Variants in CDH12 observed in about 807,000 individuals in gnomAD.
CDH12 encodes the protein cadherin-12.
In CDH12, 41 loss-of-function variants were observed where a neutral mutation model predicts 74.1. The ratio of observed to expected loss-of-function variants is 0.55; its 90% CI spans 0.43 to 0.72. The LOEUF is 0.72. Ranked by LOEUF, CDH12 falls within the 30% of genes least tolerant of loss-of-function variation. The pLI is 0.00. For missense variants in CDH12, 945 were observed against 977.2 expected (o/e 0.97, Z 0.44); for synonymous variants, 399 against 355.0 (o/e 1.12, Z -1.39).
intron 3 of CDH12, among the ~76,000 whole-genome samples, chr5:22,292,865 T>C (rs947662795): frequency 6.6e-6 from 1 of 152,034 alleles, no homozygotes; most frequent in Non-Finnish European, 1.5e-5. Flanking sequence ...AAACAGCGAG[T>C]TCCTTTTCAA....
At chr5:22,320,215 A>G (rs1169602332) in intron 3 of CDH12, among the ~76,000 whole-genome samples, 4 of 152,224 alleles carry the variant, frequency 2.6e-5, no homozygotes, top group Non-Finnish European at 4.4e-5. Flanking sequence ...AGAAGGAAGC[A>G]GAAAACAAAA....
chr5:21,795,754 C>T (rs1368401435), intron 10 of CDH12, among the ~76,000 whole-genome samples: 2 of 151,966 alleles, frequency 1.3e-5, no homozygotes, highest in African/African-American at 4.8e-5. Flanking sequence ...CTGGGCCTCT[C>T]TTTCTTCTCT....
intron 2 of CDH12, among the ~76,000 whole-genome samples, chr5:22,469,689 T>G (rs2126602859): frequency 6.6e-6 from 1 of 152,282 alleles, no homozygotes; most frequent in East Asian, 1.9e-4. Context: ...TTTCCAGTGT[T>G]ATCTATACTG....
intron 4 of CDH12, among the ~76,000 whole-genome samples, chr5:22,112,855 T>C (rs1744891349): frequency 6.6e-6 from 1 of 152,154 alleles, no homozygotes; most frequent in Non-Finnish European, 1.5e-5. Flanking sequence ...TAAATGTCTC[T>C]AAGCACAGAT....
Position 22,753,430 on chromosome 5 carries a change from G to A in CDH12, c.-523+99628C>T, listed in dbSNP as rs1245700102. The stretch of plus-strand genomic sequence containing the variant: ...TTAGCCTGGGAGACAGAGCGAGACT[G>A]TGTCAGAAGAAAAAAAAAAAAGGCA... On this transcript the variant is annotated intron_variant, in intron 1 of 14. Coordinates refer to ENST00000382254, the MANE Select transcript of CDH12 (RefSeq NM_004061.5). Among the ~76,000 whole-genome samples the A allele has an allele frequency of 2.7e-5, 4 of 148,148 alleles. No homozygotes were observed. In the East Asian group the frequency reaches 7.9e-4, roughly 29 times the overall value.
chr5:22,774,205 G>T (rs947840323), intron 1 of CDH12, among the ~76,000 whole-genome samples: 1 of 152,096 alleles, frequency 6.6e-6, no homozygotes, highest in Non-Finnish European at 1.5e-5. Context: ...ATTCACAATA[G>T]CAAAGATGTG....
At chr5:22,691,818 T>C (rs1036586115) in intron 1 of CDH12, among the ~76,000 whole-genome samples, 5 of 152,062 alleles carry the variant, frequency 3.3e-5, no homozygotes, top group African/African-American at 1.2e-4. Context: ...TTACACACTG[T>C]AAATGTTCAT....
chr5:22,249,395 G>A (rs1753062939), intron 3 of CDH12, among the ~76,000 whole-genome samples: 1 of 152,180 alleles, frequency 6.6e-6, no homozygotes, highest in African/African-American at 2.4e-5. Context: ...TAAGGTAGTA[G>A]AAGTGGAGTC....
intron 3 of CDH12, among the ~76,000 whole-genome samples, chr5:22,258,258 C>T (rs1753388899): frequency 6.6e-6 from 1 of 151,928 alleles, no homozygotes; most frequent in Non-Finnish European, 1.5e-5. Flanking sequence ...CCATAAAAAC[C>T]CATTGGCCTG....
At chr5:22,739,993 T>C (rs982383549) in intron 1 of CDH12, among the ~76,000 whole-genome samples, 1 of 152,122 alleles carries the variant, frequency 6.6e-6, no homozygotes, top group African/African-American at 2.4e-5. Context: ...AGGACTAATG[T>C]ATTACAAGAT....
At chr5:21,812,305 A>G (rs573551639) in intron 9 of CDH12, among the ~76,000 whole-genome samples, 1 of 152,228 alleles carries the variant, frequency 6.6e-6, no homozygotes, top group East Asian at 1.9e-4. Context: ...TGCATTTAGT[A>G]TACTTAAAAT....
intron 1 of CDH12, among the ~76,000 whole-genome samples, chr5:22,684,191 G>A (rs1561575596): frequency 6.6e-6 from 1 of 152,024 alleles, no homozygotes; most frequent in African/African-American, 2.4e-5. Context: ...GTACATAGTA[G>A]GTGTATAAAT....
At chr5:21,855,670 A>G (rs1387535404) in intron 6 of CDH12, among the ~76,000 whole-genome samples, 6 of 151,716 alleles carry the variant, frequency 4.0e-5, no homozygotes, top group Admixed American at 1.3e-4. Flanking sequence ...ATATACACAC[A>G]TACACGTGTA....
At chr5:22,173,402 A>C (rs1418237111) in intron 4 of CDH12, among the ~76,000 whole-genome samples, 1 of 146,874 alleles carries the variant, frequency 6.8e-6, no homozygotes, top group Non-Finnish European at 1.5e-5. Context: ...AATATTAATA[A>C]ATATTAATAA....
chr5:22,775,171 G>C (rs1053678369), intron 1 of CDH12, among the ~76,000 whole-genome samples: 1 of 151,906 alleles, frequency 6.6e-6, no homozygotes, highest in Non-Finnish European at 1.5e-5. Context: ...TTTTCTCAAC[G>C]TAAGTGAAAT....
At chr5:22,340,354 A>G (rs1208297438) in intron 3 of CDH12, among the ~76,000 whole-genome samples, 5 of 152,004 alleles carry the variant, frequency 3.3e-5, no homozygotes, top group Admixed American at 2.6e-4. Context: ...GTGAAACCCC[A>G]TCTCTACTAA....
intron 2 of CDH12, among the ~76,000 whole-genome samples, chr5:22,448,904 T>A (rs1744934580): frequency 6.6e-6 from 1 of 151,908 alleles, no homozygotes; most frequent in Admixed American, 6.6e-5. Flanking sequence ...TTTCAAGAAA[T>A]GTCAATAAAA....
intron 1 of CDH12, among the ~76,000 whole-genome samples, chr5:22,701,661 G>A (rs995374872): frequency 6.6e-6 from 1 of 151,856 alleles, no homozygotes; most frequent in African/African-American, 2.4e-5. Flanking sequence ...AGATCAATTT[G>A]GGAGGAACCT....
At chr5:22,662,002 T>C (rs562542316) in intron 1 of CDH12, among the ~76,000 whole-genome samples, 1 of 152,304 alleles carries the variant, frequency 6.6e-6, no homozygotes, top group East Asian at 1.9e-4. Context: ...CATGAGTTTA[T>C]TTAGATTGAT....
Sources: allele counts gnomAD v4.1 joint callset (sites outside exome capture counted in the v4.1 genomes callset), GRCh38; gene constraint gnomAD v4.1.1; transcripts MANE v1.5; gene names NCBI Gene and HGNC (gene_info 2026-07-23, HGNC 2026-07-21).